The following NRG2 variants were observed in gnomAD, a reference collection of about 807,000 sequenced individuals.
NRG2 encodes the protein pro-neuregulin-2, membrane-bound isoform.
A neutral mutation model predicts 73.9 loss-of-function variants in NRG2; 27 were observed. That is an observed-to-expected ratio of 0.37 (90% confidence interval 0.27 to 0.50). The LOEUF (loss-of-function observed/expected upper bound fraction) is 0.50, where lower values mean the gene tolerates loss of function less well. NRG2 is among the 20% of genes least tolerant of loss of function. The probability of loss-of-function intolerance (pLI) is 0.96; values close to 1 mark genes in which losing one functional copy is unlikely to be tolerated. For missense variants in NRG2, 1,126 were observed against 1,210.1 expected (o/e 0.93, Z 1.03); for synonymous variants, 532 against 541.0 (o/e 0.98, Z 0.23).
At chr5:140,013,254 C>T (rs1255795645) in intron 1 of NRG2, among the ~76,000 whole-genome samples, 2 of 152,196 alleles carry the variant, frequency 1.3e-5, no homozygotes, top group East Asian at 3.9e-4. Flanking sequence ...GAGCCAATCC[C>T]TCTACTTGTG....
At chr5:139,897,344 A>G (rs944874205) in intron 1 of NRG2, among the ~76,000 whole-genome samples, 1 of 152,240 alleles carries the variant, frequency 6.6e-6, no homozygotes, top group African/African-American at 2.4e-5. Context: ...AAGTTTGCAC[A>G]GTGCCTGAAA....
intron 1 of NRG2, among the ~76,000 whole-genome samples, chr5:139,891,081 C>A (rs770717908): frequency 6.6e-6 from 1 of 152,350 alleles, no homozygotes; most frequent in African/African-American, 2.4e-5. Context: ...GACAAGGGAA[C>A]TGCCTGTCTC....
chr5:140,041,758 A>G (rs974164025), intron 1 of NRG2, among the ~76,000 whole-genome samples: 5 of 152,152 alleles, frequency 3.3e-5, no homozygotes, highest in African/African-American at 1.2e-4. Flanking sequence ...CGATGAAGAA[A>G]AAAACTGGAG....
At chr5:139,895,741 G>C (rs528148185) in intron 1 of NRG2, among the ~76,000 whole-genome samples, 10 of 152,370 alleles carry the variant, frequency 6.6e-5, no homozygotes, top group Middle Eastern at 6.8e-3. Context: ...GAAGGCCTCT[G>C]ACCACTATCA....
intron 1 of NRG2, among the ~76,000 whole-genome samples, chr5:139,922,029 C>T (rs1463582513): frequency 1.3e-5 from 2 of 149,460 alleles, no homozygotes; most frequent in Non-Finnish European, 3.0e-5. Context: ...AAAGATCATG[C>T]CACTGCACTC....
Position 139,894,773 on chromosome 5 carries a change from T to C in NRG2, c.701-7262A>G, listed in dbSNP as rs950434658. Among the ~76,000 whole-genome samples the C allele has an allele frequency of 1.3e-5, 2 of 152,176 alleles. No individual in the cohort carries two copies. Among genetic ancestry groups the C allele is most frequent in the Non-Finnish European group, 2.9e-5 (2 of 68,032 alleles). The stretch of plus-strand genomic sequence containing the variant: ...CAGGGATTTGGTGCCAAATAAGACA[T>C]GGCCCTGGTGTCGGGTTGGTCTCTG... On this transcript the variant is annotated intron_variant, in intron 1 of 9. Transcript: ENST00000361474. This position sits in a 1 kb window ranked among gnomAD's most constrained non-coding sequence, Gnocchi z 5.0.
Position 139,853,845 on chromosome 5 carries a change from C to T in NRG2, c.1293-818G>A, listed in dbSNP as rs1414386512. On this transcript the variant is annotated intron_variant, in intron 6 of 9. Transcript: ENST00000361474. The surrounding 1 kb of genome is among the most constrained non-coding windows in gnomAD (Gnocchi z 4.1). ...AAAAACTAGTTAGAAGGAAAAAGAC[C>T]TAGTATTCAATAGCATATGGGGTGA... 6.6e-6 allele frequency among the ~76,000 whole-genome samples: 1 copy of T among 152,134 alleles called. No individual in the cohort carries two copies. The highest frequency in any genetic ancestry group is 1.9e-4 in the East Asian group (1 of 5,184).
At position 140,008,040 on chromosome 5, in the gene NRG2, T is replaced by C. The variant is rs1003683514; in HGVS notation, c.700+34330A>G. 1.3e-5 allele frequency among the ~76,000 whole-genome samples: 2 copies of C among 152,190 alleles called. No individual in the cohort carries two copies. The highest frequency in any genetic ancestry group is 4.8e-5 in the African/African-American group (2 of 41,452). Reference sequence around the variant, plus strand: ...GTGAGACCCACAGCCGCCAGTCCTATAGTAGGAAGCTGTCACTCTCTAGTG... The same window carrying C: ...GTGAGACCCACAGCCGCCAGTCCTACAGTAGGAAGCTGTCACTCTCTAGTG... On this transcript the variant is annotated intron_variant, in intron 1 of 9. Transcript: ENST00000361474. This position sits in a 1 kb window ranked among gnomAD's most constrained non-coding sequence, Gnocchi z 4.2.
At chr5:139,907,850 A>G (rs1305135678) in intron 1 of NRG2, among the ~76,000 whole-genome samples, 1 of 152,212 alleles carries the variant, frequency 6.6e-6, no homozygotes, top group Non-Finnish European at 1.5e-5. Flanking sequence ...CCAGGAGACA[A>G]TGAGCAGACC....
In NRG2 at chr5:139,994,175, A is replaced by G. The variant is rs75790856; in HGVS notation, c.700+48195T>C. 2.3e-3 allele frequency among the ~76,000 whole-genome samples: 355 copies of G among 152,356 alleles called. 1 individual carries two copies. The highest frequency in any genetic ancestry group is 8.2e-3 in the African/African-American group (343 of 41,582). The stretch of plus-strand genomic sequence containing the variant: ...TATGCCCATTTCTATCCTGGGTGTC[A>G]TAAGAACGATACCTGCATTTATTTA... On this transcript the variant is annotated intron_variant, in intron 1 of 9. Coordinates refer to ENST00000361474, the MANE Select transcript of NRG2 (RefSeq NM_004883.3).
At position 139,852,922 on chromosome 5, in the gene NRG2, C is replaced by T; in HGVS notation, c.1398G>A (p.Glu466=). ...CACTCACATCTGCCATCTGGATCTC[C>T]TCTGGGTCCAGCCGGGGGTGGCTGG... The part of the protein sequence containing the change: ...NGPSHPRLDP[E]EIQMADYISK... Residue 466 remains glutamate, a synonymous_variant, in exon 7 of 10, where the codon GAG becomes GAA. Transcript: ENST00000361474. The surrounding 1 kb of genome is among the most constrained non-coding windows in gnomAD (Gnocchi z 4.4). The T allele has an allele frequency of 6.2e-7, 1 of 1,613,218 alleles. No homozygotes were observed. Among genetic ancestry groups the T allele is most frequent in the Non-Finnish European group, 8.5e-7 (1 of 1,179,738 alleles).
At chr5:139,964,067 C>T (rs900279748) in intron 1 of NRG2, among the ~76,000 whole-genome samples, 1 of 152,188 alleles carries the variant, frequency 6.6e-6, no homozygotes, top group African/African-American at 2.4e-5. Context: ...AATTTCCTGA[C>T]TCTTGGACAA....
chr5:139,929,951 G>A lies in NRG2; in HGVS notation c.701-42440C>T, dbSNP rs139722125. Among the ~76,000 whole-genome samples the A allele has an allele frequency of 1.2e-3, 185 of 152,334 alleles. 1 individual carries two copies. Among genetic ancestry groups the A allele is most frequent in the Middle Eastern group, 6.8e-3 (2 of 294 alleles). On this transcript the variant is annotated intron_variant, in intron 1 of 9. Coordinates refer to ENST00000361474, the MANE Select transcript of NRG2 (RefSeq NM_004883.3). Reference sequence around the variant, plus strand: ...GGATAGCATCCCCCAAAGTGGGACAGTCACACCTCATTTGTCTGAATTCGT... The same window carrying A: ...GGATAGCATCCCCCAAAGTGGGACAATCACACCTCATTTGTCTGAATTCGT...
In NRG2 at chr5:139,871,705, C is replaced by A; in HGVS notation, c.1112+16G>T. 6.2e-7 allele frequency: 1 copy of A among 1,613,766 alleles called. No individual in the cohort carries two copies. On this transcript the variant is annotated intron_variant, in intron 4 of 9. Transcript: ENST00000361474. ...CCCTGTTCTTGCTCCCATGCCCACCCCTACTGGTCACTTACTTGCAGGAGA... is the reference window on the plus strand; with the variant it reads ...CCCTGTTCTTGCTCCCATGCCCACCACTACTGGTCACTTACTTGCAGGAGA...
intron 1 of NRG2, among the ~76,000 whole-genome samples, chr5:140,006,385 A>G (rs560191740): frequency 3.9e-5 from 6 of 152,366 alleles, no homozygotes; most frequent in African/African-American, 1.4e-4. Context: ...GGGCAACTTG[A>G]TAACATGTAT....
chr5:139,949,042 T>C (rs1047177835), intron 1 of NRG2, among the ~76,000 whole-genome samples: 1 of 152,034 alleles, frequency 6.6e-6, no homozygotes, highest in African/African-American at 2.4e-5. Flanking sequence ...TCCCTACCAA[T>C]AGGCTTCTCC....
At position 139,904,970 on chromosome 5, in the gene NRG2, G is replaced by GTGGGATACCGCCATC; in HGVS notation, c.701-17474_701-17460dup. Among the ~76,000 whole-genome samples, 1 of 152,298 alleles carries GTGGGATACCGCCATC rather than the reference G, an allele frequency of 6.6e-6. No homozygotes were observed. The highest frequency in any genetic ancestry group is 2.4e-5 in the African/African-American group (1 of 41,584). On this transcript the variant is annotated intron_variant, in intron 1 of 9. Transcript: ENST00000361474. This position sits in a 1 kb window ranked among gnomAD's most constrained non-coding sequence, Gnocchi z 6.0. ...TGCCTGCAGGTCTGGCCTCAGCCCC[G>GTGGGATACCGCCATC]TGGGATACCGCCATCTGGGGAACAC...
chr5:139,987,769 G>A (rs1447629264), intron 1 of NRG2, among the ~76,000 whole-genome samples: 15 of 146,720 alleles, frequency 1.0e-4, no homozygotes, highest in Admixed American at 1.0e-3. Context: ...ATTTCTGCAG[G>A]TTGTTTTTTT....
Position 139,930,281 on chromosome 5 carries a change from C to T in NRG2, c.701-42770G>A, listed in dbSNP as rs146640478. Among the ~76,000 whole-genome samples the T allele has an allele frequency of 3.9e-5, 6 of 152,316 alleles. No homozygotes were observed. In the East Asian group the frequency reaches 1.2e-3, roughly 29 times the overall value. On this transcript the variant is annotated intron_variant, in intron 1 of 9. Transcript: ENST00000361474. ...GAGTGAGTTAAAAGAGAAGTCTTCT[C>T]TTCCAGTCTGCAGATGCTGGAGTAA...
Sources: gnomAD v4.1 joint callset for allele counts (sites outside exome capture counted in the v4.1 genomes callset) on GRCh38, gnomAD v4.1.1 for gene constraint, Gnocchi (gnomAD v3.1) non-coding constraint, MANE v1.5 for transcripts, NCBI Gene and HGNC (gene_info 2026-07-23, HGNC 2026-07-21) for gene names.